The following QTGAL variants were observed in gnomAD, a reference collection of about 807,000 sequenced individuals.
The protein encoded by QTGAL is queuosine-tRNA galactosyltransferase, also known as BGnT-like protein 1.
At chr17:83,026,677 CG>C in the QTGAL span, among the ~76,000 whole-genome samples, 95 of 22,232 alleles carry the variant, frequency 4.3e-3, no homozygotes, top group African/African-American at 9.5e-3. Flanking sequence ...CAGAGCAGGG[CG>C]GGGAGCCTGC....
chr17:82,951,792 C>A, the QTGAL span, among the ~76,000 whole-genome samples: 1 of 59,130 alleles, frequency 1.7e-5, no homozygotes, highest in Non-Finnish European at 3.1e-5. Flanking sequence ...ATAGGGAGGC[C>A]TGAGGAGGGG....
chr17:82,963,164 C>A, the QTGAL span, among the ~76,000 whole-genome samples: 1 of 152,178 alleles, frequency 6.6e-6, no homozygotes, highest in Non-Finnish European at 1.5e-5. Context: ...GGGGATGGAG[C>A]ACCCAGAACT....
At chr17:82,946,765 C>G in the QTGAL span, 1 of 847,214 alleles carries the variant, frequency 1.2e-6, no homozygotes. Context: ...AATTAATGAG[C>G]TGAACATAAG....
the QTGAL span, among the ~76,000 whole-genome samples, chr17:83,025,766 G>A: frequency 1.5e-4 from 23 of 152,244 alleles, no homozygotes; most frequent in Non-Finnish European, 2.5e-4. Flanking sequence ...TAAATGCAGC[G>A]CGATTCTGAG....
the QTGAL span, among the ~76,000 whole-genome samples, chr17:82,975,019 C>T: frequency 9.5e-5 from 10 of 105,196 alleles, 1 homozygote; most frequent in East Asian, 2.4e-3. Context: ...TCCCAGGGGC[C>T]GGAGGCCACT....
chr17:83,000,592 T>C, the QTGAL span, among the ~76,000 whole-genome samples: 1 of 152,220 alleles, frequency 6.6e-6, no homozygotes, highest in African/African-American at 2.4e-5. Context: ...TATTACATGA[T>C]TTAAAAACAC....
the QTGAL span, chr17:82,945,968 T>C: frequency 6.6e-6 from 1 of 152,200 alleles, no homozygotes; most frequent in African/African-American, 2.4e-5. Context: ...TTGCTTAAAA[T>C]GGACAACAGC....
the QTGAL span, among the ~76,000 whole-genome samples, chr17:83,049,711 C>A: frequency 6.6e-6 from 1 of 152,182 alleles, no homozygotes; most frequent in South Asian, 2.1e-4. Context: ...CCCAGCTGAG[C>A]AAATGGGAGG....
chr17:83,033,417 C>T, the QTGAL span, among the ~76,000 whole-genome samples: 2 of 151,700 alleles, frequency 1.3e-5, no homozygotes, highest in Admixed American at 6.6e-5. Flanking sequence ...ATAGAAAATG[C>T]AAAGTTACAC....
At chr17:83,014,628 T>C in the QTGAL span, 1 of 1,233,514 alleles carries the variant, frequency 8.1e-7, no homozygotes. Context: ...CAATCATAGC[T>C]CACTGCAGCC....
At chr17:83,010,115 G>A in the QTGAL span, among the ~76,000 whole-genome samples, 3 of 150,594 alleles carry the variant, frequency 2.0e-5, no homozygotes, top group Non-Finnish European at 3.0e-5. Flanking sequence ...GGGGGGCTGC[G>A]GGGGCCCCTG....
the QTGAL span, among the ~76,000 whole-genome samples, chr17:82,991,790 T>C: frequency 0.11 from 17,257 of 152,178 alleles, 1,292 homozygotes; most frequent in African/African-American, 0.22. Flanking sequence ...GTAGTTGTTC[T>C]GAGGAAACTC....
At chr17:83,016,761 G>A in the QTGAL span, among the ~76,000 whole-genome samples, 1 of 151,216 alleles carries the variant, frequency 6.6e-6, no homozygotes, top group African/African-American at 2.4e-5. Flanking sequence ...GGTGGAGAAG[G>A]GAGATGGAAG....
At chr17:83,025,136 C>G in the QTGAL span, among the ~76,000 whole-genome samples, 1 of 151,796 alleles carries the variant, frequency 6.6e-6, no homozygotes, top group Non-Finnish European at 1.5e-5. Context: ...CACATAGAAA[C>G]TGTGAAGTCC....
the QTGAL span, among the ~76,000 whole-genome samples, chr17:82,998,344 T>C: frequency 1.3e-5 from 2 of 152,172 alleles, no homozygotes; most frequent in East Asian, 1.9e-4. Flanking sequence ...ATTACAACTT[T>C]GTTTGTTTTG....
At chr17:83,000,449 A>G in the QTGAL span, among the ~76,000 whole-genome samples, 1 of 152,194 alleles carries the variant, frequency 6.6e-6, no homozygotes, top group Non-Finnish European at 1.5e-5. Context: ...GTTGTGATTC[A>G]TTTCTGCATC....
At chr17:82,950,250 C>T in the QTGAL span, among the ~76,000 whole-genome samples, 85 of 152,332 alleles carry the variant, frequency 5.6e-4, no homozygotes, top group Non-Finnish European at 4.1e-4. Flanking sequence ...CATGCTCAGC[C>T]GGCTCCCTGG....
chr17:82,954,365 C>T, the QTGAL span, among the ~76,000 whole-genome samples: 1 of 151,916 alleles, frequency 6.6e-6, no homozygotes, highest in East Asian at 1.9e-4. Context: ...CAAGCAGAGA[C>T]TGAAACCATG....
the QTGAL span, among the ~76,000 whole-genome samples, chr17:83,037,647 A>C: frequency 6.6e-6 from 1 of 152,172 alleles, no homozygotes; most frequent in Non-Finnish European, 1.5e-5. This position sits in a 1 kb window ranked among gnomAD's most constrained non-coding sequence, Gnocchi z 5.2. Context: ...ACACAGGCGG[A>C]GGCACCTGTG....
Sources: gnomAD v4.1 joint callset for allele counts (sites outside exome capture counted in the v4.1 genomes callset) on GRCh38, gnomAD v4.1.1 for gene constraint, Gnocchi (gnomAD v3.1) non-coding constraint, MANE v1.5 for transcripts, NCBI Gene and HGNC (gene_info 2026-07-23, HGNC 2026-07-21) for gene names.